The following ITK variants were observed in gnomAD, a reference collection of about 807,000 sequenced individuals.
ITK encodes the protein tyrosine-protein kinase ITK/TSK.
A neutral mutation model predicts 87.6 loss-of-function variants in ITK; 45 were observed. That is an observed-to-expected ratio of 0.51 (90% CI 0.40 to 0.66). The LOEUF is 0.66. Among genes scored for constraint, ITK ranks in the 30% least tolerant of loss-of-function variants. ITK has a pLI of 0.00. For missense variants in ITK, 605 were observed against 766.3 expected (o/e 0.79, Z 2.48); for synonymous variants, 303 against 273.6 (o/e 1.11, Z -1.06).
rs1753649703 is a variant in ITK at position 157,186,682 on chromosome 5, A to AGAG, written c.138+5567_138+5568insGAG. On this transcript the variant is annotated intron_variant, in intron 1 of 16. Transcript: ENST00000422843. ...CAAGAGTGAAACTCCGTCTCAAAAAAAGAGAGAGAGAGAGAGAGAGAGAGA... is the reference window on the plus strand; with the variant it reads ...CAAGAGTGAAACTCCGTCTCAAAAAAGAGAGAGAGAGAGAGAGAGAGAGAGAGA... 3.2e-3 allele frequency among the ~76,000 whole-genome samples: 480 copies of AGAG among 148,654 alleles called. 5 individuals carry two copies. Among genetic ancestry groups the AGAG allele is most frequent in the African/African-American group, 0.011 (458 of 40,376 alleles).
intron 6 of ITK, among the ~76,000 whole-genome samples, chr5:157,223,228 G>C (rs1561657556): frequency 6.6e-6 from 1 of 152,054 alleles, no homozygotes; most frequent in Non-Finnish European, 1.5e-5. Context: ...TGCTATGCTT[G>C]TTCCCTGCAC....
chr5:157,238,066 T>A, intron 8 of ITK, 43 bp from the exon 9 acceptor site: 1 of 1,481,116 alleles, frequency 6.8e-7, no homozygotes, highest in Non-Finnish European at 9.4e-7. Context: ...ATAAGCCTGG[T>A]TTCCTGAGAT....
chr5:157,212,846 C>G (rs1337852969), intron 3 of ITK, among the ~76,000 whole-genome samples: 1 of 150,676 alleles, frequency 6.6e-6, no homozygotes, highest in Non-Finnish European at 1.5e-5. Context: ...GTTCTTACCC[C>G]ACCAAAAAAA....
At chr5:157,231,629 C>T (rs540848736) in intron 7 of ITK, among the ~76,000 whole-genome samples, 40 of 152,162 alleles carry the variant, frequency 2.6e-4, no homozygotes, top group Non-Finnish European at 3.7e-4. Flanking sequence ...GATTATTAAC[C>T]GATGATCAGT....
chr5:157,244,168 C>A (rs1754971667), intron 12 of ITK, 94 bp from the exon 13 acceptor site: 3 of 1,006,504 alleles, frequency 3.0e-6, no homozygotes, highest in East Asian at 2.4e-5. Flanking sequence ...ATAAATTAGA[C>A]AAAATGACCA....
chr5:157,250,662 A>G (rs1050866206), intron 16 of ITK, among the ~76,000 whole-genome samples: 7 of 151,942 alleles, frequency 4.6e-5, no homozygotes, highest in Non-Finnish European at 1.0e-4. Context: ...GACCACAGAC[A>G]TGTGCCACTA....
intron 6 of ITK, among the ~76,000 whole-genome samples, chr5:157,227,068 C>T (rs1047985560): frequency 6.6e-6 from 1 of 152,228 alleles, no homozygotes; most frequent in African/African-American, 2.4e-5. Flanking sequence ...GATCCACCCA[C>T]CTCAGCCTCC....
At chr5:157,218,740 A>C (rs1464870499) in intron 5 of ITK, among the ~76,000 whole-genome samples, 1 of 152,166 alleles carries the variant, frequency 6.6e-6, no homozygotes, top group Non-Finnish European at 1.5e-5. Flanking sequence ...CCATTCAGCA[A>C]CTTAGTAGGA....
At chr5:157,210,715 C>A (rs1474116747) in intron 2 of ITK, among the ~76,000 whole-genome samples, 2 of 112,672 alleles carry the variant, frequency 1.8e-5, no homozygotes, top group East Asian at 3.0e-4. Flanking sequence ...CCACCACAGT[C>A]CCCAGAGTGT....
Position 157,222,908 on chromosome 5 carries a change from G to A in ITK, c.541G>A (p.Asp181Asn), listed in dbSNP as rs369289895. The A allele has an allele frequency of 6.2e-7, 1 of 1,613,888 alleles. No homozygotes were observed. Among genetic ancestry groups the A allele is most frequent in the Non-Finnish European group, 8.5e-7 (1 of 1,180,024 alleles). ...AGAAACTGTGGTCATTGCCTTATAT[G>A]ACTACCAAACCAATGATCCTCAGGA... ...PEETVVIALY[D>N]YQTNDPQELA... is the part of the protein sequence containing the mutation. Residue 181 changes from aspartate (D) to asparagine (N), a missense_variant, in exon 6 of 17, where the codon GAC becomes AAC. Coordinates refer to ENST00000422843, the MANE Select transcript of ITK (RefSeq NM_005546.4).
intron 11 of ITK, 105 bp from the exon 12 acceptor site, chr5:157,243,518 T>G (rs1754955960): frequency 1.1e-6 from 1 of 916,528 alleles, no homozygotes; most frequent in East Asian, 2.4e-5. Context: ...TGAATTATAT[T>G]AACAATAGGC....
Position 157,180,884 on chromosome 5 carries a change from C to A in ITK, c.-94C>A. The A allele has an allele frequency of 8.0e-7, 1 of 1,243,694 alleles. No individual in the cohort carries two copies. The highest frequency in any genetic ancestry group is 1.2e-6 in the Non-Finnish European group (1 of 850,530). 77.0% of individuals were successfully genotyped at this position (1,243,694 alleles called of 1,614,324 possible). ...CCTTGAGCAGCTCTCTGAAGATCAA[C>A]TGCCTCCACATTGCATTCTTTGCCC... On this transcript the variant is annotated 5_prime_UTR_variant, in exon 1 of 17. It adds an upstream start codon to the 5' untranslated region. Transcript: ENST00000422843.
chr5:157,238,733 C>A (rs1238425525), intron 9 of ITK, among the ~76,000 whole-genome samples: 1 of 152,204 alleles, frequency 6.6e-6, no homozygotes, highest in Non-Finnish European at 1.5e-5. Context: ...AGGGGCCAAG[C>A]CACATCCAGG....
intron 1 of ITK, among the ~76,000 whole-genome samples, chr5:157,186,396 C>T (rs819237): frequency 0.15 from 22,004 of 149,148 alleles, 1,857 homozygotes; most frequent in African/African-American, 0.22. Flanking sequence ...GAGAGAGAGG[C>T]GGGCACGATG....
rs554123388 is a variant in ITK at position 157,216,130 on chromosome 5, A to G, written c.455-1737A>G. ...CATCTCCTCACTCTACCCTCTTCTG[A>G]TTTGGTTAAATAACTTCATGGATCT... On this transcript the variant is annotated intron_variant, in intron 4 of 16. Transcript: ENST00000422843. Among the ~76,000 whole-genome samples the G allele has an allele frequency of 2.0e-5, 3 of 152,194 alleles. No individual in the cohort carries two copies. In the South Asian group the frequency reaches 6.2e-4, roughly 32 times the overall value.
Position 157,252,781 on chromosome 5 carries a change from A to G in ITK, c.*103A>G. On this transcript the variant is annotated 3_prime_UTR_variant, in exon 17 of 17. Coordinates refer to ENST00000422843, the MANE Select transcript of ITK (RefSeq NM_005546.4). Reference sequence around the variant, plus strand: ...AGCTGCCACCAGCCCAGGACCCTCCAGAGGCAGCCTGGCCTGTGGCATCAG... The same window carrying G: ...AGCTGCCACCAGCCCAGGACCCTCCGGAGGCAGCCTGGCCTGTGGCATCAG... The G allele has an allele frequency of 3.3e-6, 3 of 903,492 alleles. No homozygotes were observed. Among genetic ancestry groups the G allele is most frequent in the Non-Finnish European group, 5.5e-6 (3 of 542,068 alleles). The allele number at this position is 903,492 out of a possible 1,614,324, so 56.0% of individuals were successfully genotyped here.
Position 157,245,971 on chromosome 5 carries a change from T to C in ITK, c.1605T>C (p.Tyr535=). The change falls in exon 15 of 17, where the codon TAT becomes TAC. Residue 535 remains tyrosine (Y), a synonymous_variant. Transcript: ENST00000422843. ...ASPEVFSFSR[Y]SSKSDVWSFG... is the part of the protein sequence containing the mutation. ...CAGAGGTTTTCTCTTTCAGTCGCTA[T>C]AGCAGCAAGTCCGATGTGTGGTCAT... The C allele has an allele frequency of 1.2e-6, 2 of 1,613,854 alleles. No homozygotes were observed. Among genetic ancestry groups the C allele is most frequent in the South Asian group, 1.1e-5 (1 of 91,082 alleles).
intron 7 of ITK, among the ~76,000 whole-genome samples, chr5:157,232,082 C>T (rs935328764): frequency 2.1e-4 from 32 of 152,168 alleles, no homozygotes; most frequent in African/African-American, 6.5e-4. Flanking sequence ...CAGTATTTTG[C>T]CAATTCTGTT....
At chr5:157,181,293 T>C (rs1753509612) in intron 1 of ITK, among the ~76,000 whole-genome samples, 178 bp downstream of exon 1, 2 of 151,996 alleles carry the variant, frequency 1.3e-5, no homozygotes, top group Non-Finnish European at 2.9e-5. Flanking sequence ...AGTCAAGAGG[T>C]GAAATGGTGG....
Sources: allele counts gnomAD v4.1 joint callset (sites outside exome capture counted in the v4.1 genomes callset), GRCh38; gene constraint gnomAD v4.1.1; transcripts MANE v1.5; gene names NCBI Gene and HGNC (gene_info 2026-07-23, HGNC 2026-07-21).